Variants in KLF8 observed in about 807,000 individuals in gnomAD.
KLF8 encodes Krueppel-like factor 8.
KLF8 carries 10 observed loss-of-function variants against 18.2 expected under a neutral mutation model. The observed-to-expected ratio is 0.55, with a 90% CI of 0.34 to 0.93. The LOEUF is 0.93. KLF8 is among the 40% of genes least tolerant of loss of function. KLF8 has a pLI of 0.02. For missense variants in KLF8, 264 were observed against 277.9 expected (o/e 0.95, Z 0.36); for synonymous variants, 109 against 97.3 (o/e 1.12, Z -0.71).
At chrX:56,014,963 T>C in the KLF8 span, 1 of 106,827 alleles carries the variant, frequency 9.4e-6, no homozygotes, top group Non-Finnish European at 1.9e-5. Flanking sequence ...TTGGACATGG[T>C]AAGGGGAGGA....
At chrX:56,267,110 G>A (rs1487937639) in intron 3 of KLF8, 1 of 751,897 alleles carries the variant, frequency 1.3e-6, no homozygotes, top group Non-Finnish European at 1.6e-6. Flanking sequence ...ATGGTTTGAA[G>A]GAGCTTTGAA....
chrX:55,942,430 A>C, the KLF8 span, among the ~76,000 whole-genome samples: 1 of 110,393 alleles, frequency 9.1e-6, no homozygotes, highest in African/African-American at 3.3e-5. Context: ...AGGTTGAGTT[A>C]ATGGGTGCAG....
chrX:56,184,628 T>C, the KLF8 span, among the ~76,000 whole-genome samples: 4 of 111,608 alleles, frequency 3.6e-5, no homozygotes, highest in African/African-American at 1.3e-4. Context: ...CACCCCCGAG[T>C]AGCGGCAGAC....
chrX:55,926,788 G>A, the KLF8 span, among the ~76,000 whole-genome samples: 1 of 109,872 alleles, frequency 9.1e-6, no homozygotes, highest in Non-Finnish European at 1.9e-5. Flanking sequence ...ATTTTTTTTT[G>A]TAACTCAAGG....
chrX:56,157,249 G>A, the KLF8 span, among the ~76,000 whole-genome samples: 1 of 91,449 alleles, frequency 1.1e-5, no homozygotes, highest in African/African-American at 4.0e-5. Context: ...GTGGAGGGAG[G>A]GGGGAGGGAC....
At chrX:56,183,776 G>A in the KLF8 span, among the ~76,000 whole-genome samples, 4 of 111,992 alleles carry the variant, frequency 3.6e-5, no homozygotes, top group East Asian at 5.6e-4. Flanking sequence ...ATGACAAAAT[G>A]GCAAGGCTAA....
chrX:55,917,085 C>G, the KLF8 span, among the ~76,000 whole-genome samples: 1 of 112,141 alleles, frequency 8.9e-6, no homozygotes, highest in African/African-American at 3.2e-5. Context: ...TCTCCCTGCT[C>G]AAGTCTTGCT....
At chrX:55,944,528 A>G in the KLF8 span, among the ~76,000 whole-genome samples, 1 of 111,355 alleles carries the variant, frequency 9.0e-6, no homozygotes, top group Non-Finnish European at 1.9e-5. Context: ...TGGTCTATTG[A>G]GAGATTCAAC....
chrX:56,179,984 A>T, the KLF8 span, among the ~76,000 whole-genome samples: 5 of 111,300 alleles, frequency 4.5e-5, no homozygotes, highest in Non-Finnish European at 9.4e-5. Flanking sequence ...AGGCTTTGGT[A>T]TCAGGATGAT....
intron 2 of KLF8, among the ~76,000 whole-genome samples, chrX:56,256,662 C>A (rs1395675682): frequency 1.8e-5 from 2 of 111,887 alleles, no homozygotes; most frequent in Non-Finnish European, 3.8e-5. Context: ...TTAATTTCTT[C>A]ATTGACTCAC....
Position 56,246,200 on chromosome X carries a change from A to G in KLF8, c.8-4031A>G, listed in dbSNP as rs181459421. ...CAAGAAGTATTTTTCAGGCTCCTTG[A>G]TTGTTGCTATTAAAGCTTTTGAAGA... On this transcript the variant is annotated intron_variant, in intron 1 of 5. Transcript: ENST00000468660. Among the ~76,000 whole-genome samples, 5 of 111,563 alleles carry G rather than the reference A, an allele frequency of 4.5e-5. No individual in the cohort carries two copies. In the East Asian group the frequency reaches 1.4e-3, roughly 32 times the overall value.
chrX:55,946,466 A>C, the KLF8 span, among the ~76,000 whole-genome samples: 1 of 111,682 alleles, frequency 9.0e-6, no homozygotes, highest in Non-Finnish European at 1.9e-5. Context: ...CCTTCCTTAC[A>C]CCTTATACAA....
chrX:56,114,753 C>T, the KLF8 span, among the ~76,000 whole-genome samples: 1 of 112,809 alleles, frequency 8.9e-6, no homozygotes, highest in Non-Finnish European at 1.9e-5. Context: ...TCACATATTT[C>T]CCCAAGTTGC....
At chrX:56,222,543 C>T in the KLF8 span, among the ~76,000 whole-genome samples, 1 of 112,787 alleles carries the variant, frequency 8.9e-6, no homozygotes, top group Non-Finnish European at 1.9e-5. Context: ...CTGGCTTCAC[C>T]CAGTGGATCT....
chrX:56,018,787 A>T, the KLF8 span, among the ~76,000 whole-genome samples: 7 of 110,028 alleles, frequency 6.4e-5, no homozygotes, highest in African/African-American at 2.0e-4. Context: ...ATTTGTTTGT[A>T]TGTGTGTGTG....
chrX:56,111,112 A>C, the KLF8 span, among the ~76,000 whole-genome samples: 2 of 112,133 alleles, frequency 1.8e-5, no homozygotes, highest in Admixed American at 1.9e-4. Context: ...ATTTTTGTTT[A>C]ACAGCTTTTT....
the KLF8 span, among the ~76,000 whole-genome samples, chrX:56,144,475 C>A: frequency 1.8e-5 from 2 of 109,373 alleles, no homozygotes; most frequent in Non-Finnish European, 3.8e-5. Flanking sequence ...TTCGGCTGGG[C>A]GCGGTGGCTC....
chrX:56,122,427 A>C, the KLF8 span, among the ~76,000 whole-genome samples: 1 of 111,666 alleles, frequency 9.0e-6, no homozygotes, highest in Non-Finnish European at 1.9e-5. Flanking sequence ...TACAATATGC[A>C]AAATATATGA....
At chrX:56,258,315 C>G (rs1362969126) in intron 2 of KLF8, among the ~76,000 whole-genome samples, 1 of 112,348 alleles carries the variant, frequency 8.9e-6, no homozygotes, top group Non-Finnish European at 1.9e-5. Flanking sequence ...CTCTGTCACC[C>G]AGGCTTGAGT....
Sources: allele counts gnomAD v4.1 joint callset (sites outside exome capture counted in the v4.1 genomes callset), GRCh38; gene constraint gnomAD v4.1.1; transcripts MANE v1.5; gene names NCBI Gene and HGNC (gene_info 2026-07-23, HGNC 2026-07-21).